The following SGCZ variants were observed in gnomAD, a reference collection of about 807,000 sequenced individuals.
The protein encoded by SGCZ is zeta-sarcoglycan.
In SGCZ, 40 loss-of-function variants were observed where a neutral mutation model predicts 41.3. That is an observed-to-expected ratio of 0.97 (90% CI 0.75 to 1.26). The LOEUF (loss-of-function observed/expected upper bound fraction) is 1.26, where lower values mean the gene tolerates loss of function less well. Ranked by LOEUF, SGCZ falls within the 50% of genes most tolerant of loss-of-function variation. The pLI is 0.00. For synonymous variants in SGCZ, 206 were observed against 137.5 expected (o/e 1.50, Z -3.49); for missense variants, 552 against 369.8 (o/e 1.49, Z -4.04).
intron 1 of SGCZ, among the ~76,000 whole-genome samples, chr8:14,915,591 G>T (rs747730807): frequency 6.6e-6 from 1 of 152,058 alleles, no homozygotes. Flanking sequence ...AGATGGCACC[G>T]ATCAACTGGA....
chr8:14,266,047 G>C (rs1799854889), intron 3 of SGCZ, among the ~76,000 whole-genome samples: 1 of 152,076 alleles, frequency 6.6e-6, no homozygotes, highest in African/African-American at 2.4e-5. Context: ...CCAAGAGGTA[G>C]AAGACATATT....
rs561964524 is a variant in SGCZ at position 15,182,945 on chromosome 8, T to A, written c.39+54640A>T. Among the ~76,000 whole-genome samples the A allele has an allele frequency of 1.9e-4, 29 of 152,346 alleles. No individual in the cohort carries two copies. The South Asian group carries it at 2.9e-3, about 15-fold the overall frequency. ...ATTTTCAATATTAATTTTACCTTTT[T>A]AAACTTTTTTGTGAAAAACAAAGAC... On this transcript the variant is annotated intron_variant, in intron 1 of 7. Coordinates refer to ENST00000382080, the MANE Select transcript of SGCZ (RefSeq NM_139167.4).
chr8:14,439,213 G>C (rs1041857133), intron 2 of SGCZ, among the ~76,000 whole-genome samples: 1 of 151,610 alleles, frequency 6.6e-6, no homozygotes, highest in Non-Finnish European at 1.5e-5. Context: ...AGGATTTTTT[G>C]TAAGATCATT....
At chr8:14,327,597 G>C (rs1047659735) in intron 2 of SGCZ, among the ~76,000 whole-genome samples, 1 of 152,160 alleles carries the variant, frequency 6.6e-6, no homozygotes, top group Non-Finnish European at 1.5e-5. Context: ...GAAATAAGAG[G>C]ACTGGGCATC....
At chr8:15,035,432 A>G (rs1803839103) in intron 1 of SGCZ, among the ~76,000 whole-genome samples, 1 of 152,164 alleles carries the variant, frequency 6.6e-6, no homozygotes, top group Non-Finnish European at 1.5e-5. Context: ...GACAGGAAGA[A>G]AGGAACAAAG....
At chr8:14,807,076 A>C (rs1801560831) in intron 1 of SGCZ, among the ~76,000 whole-genome samples, 1 of 152,110 alleles carries the variant, frequency 6.6e-6, no homozygotes, top group African/African-American at 2.4e-5. Flanking sequence ...GATGGGACAT[A>C]TTTCAAAATA....
chr8:14,829,999 G>A (rs1432027811), intron 1 of SGCZ, among the ~76,000 whole-genome samples: 1 of 152,104 alleles, frequency 6.6e-6, no homozygotes, highest in Non-Finnish European at 1.5e-5. Context: ...TTTTAGTAGA[G>A]ACGGGGTTTT....
chr8:14,823,238 A>G (rs1802175324), intron 1 of SGCZ, among the ~76,000 whole-genome samples: 1 of 151,942 alleles, frequency 6.6e-6, no homozygotes, highest in Non-Finnish European at 1.5e-5. Context: ...ACAGAATTAC[A>G]TCAAACAAAA....
At chr8:14,194,194 T>A (rs1001231836) in intron 4 of SGCZ, among the ~76,000 whole-genome samples, 1 of 151,946 alleles carries the variant, frequency 6.6e-6, no homozygotes, top group Admixed American at 6.6e-5. Context: ...GTAAATATTA[T>A]CTTAGACTGT....
At chr8:14,138,627 A>T (rs1306938574) in intron 5 of SGCZ, among the ~76,000 whole-genome samples, 2 of 152,230 alleles carry the variant, frequency 1.3e-5, no homozygotes, top group African/African-American at 4.8e-5. Flanking sequence ...GATCAATTCA[A>T]CAAGAAGAGC....
chr8:14,772,684 T>G (rs926912604), intron 1 of SGCZ, among the ~76,000 whole-genome samples: 1 of 150,278 alleles, frequency 6.7e-6, no homozygotes, highest in African/African-American at 2.4e-5. Flanking sequence ...CGGTGTTTGG[T>G]TTTTTGTTCT....
At chr8:14,730,011 G>C (rs1810183232) in intron 1 of SGCZ, among the ~76,000 whole-genome samples, 1 of 152,134 alleles carries the variant, frequency 6.6e-6, no homozygotes, top group Admixed American at 6.5e-5. Context: ...CTTGAACCCA[G>C]TGGGGCGGAG....
chr8:15,234,294 G>A (rs1365500823), intron 1 of SGCZ, among the ~76,000 whole-genome samples: 1 of 152,092 alleles, frequency 6.6e-6, no homozygotes, highest in Non-Finnish European at 1.5e-5. Flanking sequence ...GGATGGAGGG[G>A]GCTTTTTCTA....
intron 2 of SGCZ, among the ~76,000 whole-genome samples, chr8:14,459,489 G>A (rs183544039): frequency 6.6e-6 from 1 of 152,052 alleles, no homozygotes; most frequent in South Asian, 2.1e-4. Context: ...AGGGAGATAC[G>A]AAAATCAAGT....
chr8:14,492,753 C>T (rs567743604), intron 2 of SGCZ, among the ~76,000 whole-genome samples: 74 of 152,282 alleles, frequency 4.9e-4, no homozygotes, highest in African/African-American at 1.7e-3. Flanking sequence ...TTTCGTGATA[C>T]TTTAAGCAAC....
intron 2 of SGCZ, among the ~76,000 whole-genome samples, chr8:14,336,942 C>T (rs1369059743): frequency 6.6e-6 from 1 of 152,134 alleles, no homozygotes; most frequent in Non-Finnish European, 1.5e-5. Context: ...CACTTGTTTT[C>T]AATTGTTCTA....
chr8:14,602,836 G>A lies in SGCZ; in HGVS notation c.40-47910C>T, dbSNP rs557744256. ...ATCTTCTAATCACCACCTCTCAGCT[G>A]AAAGGACTGTGCTTCATAGGCAGAG... On this transcript the variant is annotated intron_variant, in intron 1 of 7. Coordinates refer to ENST00000382080, the MANE Select transcript of SGCZ (RefSeq NM_139167.4). Among the ~76,000 whole-genome samples the A allele has an allele frequency of 7.2e-5, 11 of 152,254 alleles. No individual in the cohort carries two copies. The South Asian group carries it at 2.3e-3, about 32-fold the overall frequency.
intron 1 of SGCZ, among the ~76,000 whole-genome samples, chr8:14,585,702 A>G (rs550623540): frequency 6.6e-6 from 1 of 152,324 alleles, no homozygotes; most frequent in South Asian, 2.1e-4. Flanking sequence ...TTCAAACATT[A>G]ACAAAAAATA....
intron 2 of SGCZ, among the ~76,000 whole-genome samples, chr8:14,359,788 C>T (rs757492212): frequency 1.9e-4 from 29 of 149,052 alleles, no homozygotes; most frequent in South Asian, 1.5e-3. Context: ...GGTTAGTACA[C>T]GGCTAGTATT....
Sources: allele counts gnomAD v4.1 joint callset (sites outside exome capture counted in the v4.1 genomes callset), GRCh38; gene constraint gnomAD v4.1.1; transcripts MANE v1.5; gene names NCBI Gene and HGNC (gene_info 2026-07-23, HGNC 2026-07-21).